Variants in COL4A4 observed in about 807,000 individuals in gnomAD.
COL4A4 encodes the protein collagen alpha-4(IV) chain.
Under a neutral mutation model 192.9 loss-of-function variants are expected in COL4A4, and 105 were observed. The observed-to-expected ratio is 0.54, with a 90% CI of 0.46 to 0.64. The LOEUF is 0.64. Ranked by LOEUF, COL4A4 falls within the 30% of genes least tolerant of loss-of-function variation. COL4A4 has a pLI of 0.00. For synonymous variants in COL4A4, 762 were observed against 769.9 expected (o/e 0.99, Z 0.17); for missense variants, 1,967 against 2,169.3 (o/e 0.91, Z 1.85).
chr2:227,121,263 T>A, intron 4 of COL4A4, 115 bp from the exon 5 acceptor site: 4 of 1,209,680 alleles, frequency 3.3e-6, no homozygotes, highest in Non-Finnish European at 3.5e-6. Flanking sequence ...TGCACAACTC[T>A]AATAATAGAA....
chr2:227,152,248 G>A (rs560321497), intron 1 of COL4A4, among the ~76,000 whole-genome samples: 2 of 152,272 alleles, frequency 1.3e-5, no homozygotes, highest in East Asian at 3.9e-4. Context: ...CTTTTGAAAA[G>A]CAGGGCAATT....
At chr2:227,062,131 G>A (rs1977236738) in intron 26 of COL4A4, among the ~76,000 whole-genome samples, 1 of 151,838 alleles carries the variant, frequency 6.6e-6, no homozygotes, top group African/African-American at 2.4e-5. Context: ...CCAGCTACTT[G>A]GAAGACTGAG....
chr2:227,077,663 T>TAAAGAA (rs139922960), intron 25 of COL4A4, among the ~76,000 whole-genome samples: 12 of 141,222 alleles, frequency 8.5e-5, no homozygotes, highest in Non-Finnish European at 1.9e-4. Flanking sequence ...AAAGTAAAAT[T>TAAAGAA]AAAGAAAAAG....
rs753903329 is a variant in COL4A4, at chr2:227,121,138, C to A, written c.203G>T (p.Gly68Val). 6 of 1,613,858 alleles carry A rather than the reference C, an allele frequency of 3.7e-6. No individual in the cohort carries two copies. In the African/African-American group the frequency reaches 8.0e-5, roughly 22 times the overall value. The stretch of plus-strand genomic sequence containing the variant: ...AATTGGACCCTGTGGCCCTGGTGGT[C>A]CTGGTGGACCCTGAGAAGGAAGATT... Reference protein sequence around the residue: ...VPEKGSRGPPGPPGPQGPIGP... With the variant: ...VPEKGSRGPPVPPGPQGPIGP... The change falls in exon 5 of 48, where the codon GGA (glycine) becomes GTA (valine). Residue 68 changes from glycine (G) to valine (V), a missense_variant. Gly to Val is a moderately radical substitution (Grantham distance 109). Coordinates refer to ENST00000396625, the MANE Select transcript of COL4A4 (RefSeq NM_000092.5).
chr2:227,067,023 T>C (rs2150355410), intron 25 of COL4A4, among the ~76,000 whole-genome samples: 1 of 150,082 alleles, frequency 6.7e-6, no homozygotes, highest in East Asian at 1.9e-4. Context: ...TGGAGGAAGA[T>C]CTACCAAGCA....
the COL4A4 span, among the ~76,000 whole-genome samples, chr2:226,977,255 T>C: frequency 4.0e-4 from 61 of 152,296 alleles, no homozygotes; most frequent in African/African-American, 1.4e-3. Context: ...CCCTTTAGTT[T>C]TGCATTTAAC....
chr2:227,047,560 T>TA lies in COL4A4; in HGVS notation c.3215-12dup, dbSNP rs772347954. On this transcript the variant is annotated splice_polypyrimidine_tract_variant and intron_variant, in intron 34 of 47. Transcript: ENST00000396625. Reference sequence around the variant, plus strand: ...GGTCACCTTTGTTTCCTGAAAGGGATAAAATGCATGTGACATTACTTTAGA... The same window carrying TA: ...GGTCACCTTTGTTTCCTGAAAGGGATAAAAATGCATGTGACATTACTTTAGA... 5 of 1,600,074 alleles carry TA rather than the reference T, an allele frequency of 3.1e-6. No homozygotes were observed. Among genetic ancestry groups the TA allele is most frequent in the Non-Finnish European group, 3.4e-6 (4 of 1,167,504 alleles).
Position 227,147,563 on chromosome 2 carries a change from T to C in COL4A4, c.-80A>G. The C allele has an allele frequency of 8.0e-7, 1 of 1,246,404 alleles. No homozygotes were observed. Among genetic ancestry groups the C allele is most frequent in the African/African-American group, 1.5e-5 (1 of 65,670 alleles). 77.2% of individuals were successfully genotyped at this position (1,246,404 alleles called of 1,614,324 possible). ...GTTCTTGTTGACAAGTGAGGTTCTG[T>C]GTTCTGGGTCAAAGTCTGTTCCTGT... On this transcript the variant is annotated 5_prime_UTR_variant, in exon 2 of 48. Coordinates refer to ENST00000396625, the MANE Select transcript of COL4A4 (RefSeq NM_000092.5).
chr2:226,990,275 G>C, the COL4A4 span, among the ~76,000 whole-genome samples: 8 of 152,138 alleles, frequency 5.3e-5, no homozygotes, highest in African/African-American at 1.9e-4. Flanking sequence ...GAGCTTTGCA[G>C]TTCATGGAAT....
At chr2:227,141,467 T>G (rs1006498886) in intron 3 of COL4A4, among the ~76,000 whole-genome samples, 1 of 152,218 alleles carries the variant, frequency 6.6e-6, no homozygotes, top group Non-Finnish European at 1.5e-5. Context: ...TATACATATA[T>G]ATGAACAGGT....
chr2:227,147,594 A>T lies in COL4A4; in HGVS notation c.-101-10T>A, dbSNP rs1011227788. 1.2e-5 allele frequency: 10 copies of T among 861,768 alleles called. No homozygotes were observed. The highest frequency in any genetic ancestry group is 1.7e-5 in the Admixed American group (1 of 58,064). 53.4% of individuals were successfully genotyped at this position (861,768 alleles called of 1,614,324 possible). ...GGGTCAAAGTCTGTTCCTGTTAGATATAAATATATCACTTAAAACACAGCA... is the reference window on the plus strand; with the variant it reads ...GGGTCAAAGTCTGTTCCTGTTAGATTTAAATATATCACTTAAAACACAGCA... On this transcript the variant is annotated splice_polypyrimidine_tract_variant and intron_variant, in intron 1 of 47. Coordinates refer to ENST00000396625, the MANE Select transcript of COL4A4 (RefSeq NM_000092.5).
intron 15 of COL4A4, among the ~76,000 whole-genome samples, 195 bp from the exon 16 acceptor site, chr2:227,102,104 T>C (rs2060556666): frequency 6.6e-6 from 1 of 152,242 alleles, no homozygotes; most frequent in African/African-American, 2.4e-5. Context: ...TGATCCTCAG[T>C]CTTATTCAAA....
the COL4A4 span, among the ~76,000 whole-genome samples, chr2:226,978,990 G>A: frequency 3.3e-5 from 5 of 152,170 alleles, no homozygotes; most frequent in African/African-American, 1.2e-4. Context: ...ATGTAGGTAT[G>A]TATAAAAAAG....
rs999133058 is a variant in COL4A4 at position 227,120,010 on chromosome 2, T to C, written c.328-71A>G. The stretch of plus-strand genomic sequence containing the variant: ...AATAAGCTGATTTACTTGAAAATAG[T>C]AACAATTAATTACTCATCTTTAAAC... On this transcript the variant is annotated intron_variant, in intron 5 of 47. Coordinates refer to ENST00000396625, the MANE Select transcript of COL4A4 (RefSeq NM_000092.5). The C allele has an allele frequency of 5.2e-5, 62 of 1,181,594 alleles. No homozygotes were observed. The East Asian group carries it at 1.6e-3, about 30-fold the overall frequency. The allele number at this position is 1,181,594 out of a possible 1,614,324, so 73.2% of individuals were successfully genotyped here.
chr2:227,043,326 A>C, intron 35 of COL4A4, 142 bp from the exon 36 acceptor site: 1 of 747,386 alleles, frequency 1.3e-6, no homozygotes, highest in Non-Finnish European at 2.3e-6. Flanking sequence ...AATAACGTTA[A>C]GGAAAAACTG....
chr2:227,163,520 C>T (rs1248697855), intron 1 of COL4A4, among the ~76,000 whole-genome samples: 2 of 152,232 alleles, frequency 1.3e-5, no homozygotes, highest in Non-Finnish European at 2.9e-5. Flanking sequence ...GAGAAACAGT[C>T]TAATTGCTTT....
intron 4 of COL4A4, among the ~76,000 whole-genome samples, chr2:227,133,444 G>T (rs1052126669): frequency 6.6e-6 from 1 of 152,238 alleles, no homozygotes; most frequent in African/African-American, 2.4e-5. Flanking sequence ...TCAGTCTACT[G>T]AAATGATGTT....
chr2:227,093,577 C>T (rs2060048991), intron 20 of COL4A4, among the ~76,000 whole-genome samples: 1 of 152,026 alleles, frequency 6.6e-6, no homozygotes, highest in Admixed American at 6.6e-5. Context: ...CACGTTAGGA[C>T]CATTTTCCAC....
At chr2:227,012,122 T>G (rs546697006) in intron 45 of COL4A4, 59 bp downstream of exon 45, 2 of 1,376,874 alleles carry the variant, frequency 1.5e-6, no homozygotes, top group African/African-American at 1.4e-5. Context: ...GATCAGAGAT[T>G]TTGTATACAA....
Sources: gnomAD v4.1 joint callset for allele counts (sites outside exome capture counted in the v4.1 genomes callset) on GRCh38, gnomAD v4.1.1 for gene constraint, MANE v1.5 for transcripts, NCBI Gene and HGNC (gene_info 2026-07-23, HGNC 2026-07-21) for gene names.